Variants in TEX14 observed in about 807,000 individuals in gnomAD.
TEX14 encodes testis expressed 14, intercellular bridge forming factor.
In TEX14, 168 loss-of-function variants were observed where a neutral mutation model predicts 178.6. The observed-to-expected ratio is 0.94, with a 90% CI of 0.83 to 1.07. TEX14 has a LOEUF of 1.07. Ranked by LOEUF, TEX14 falls within the 50% of genes least tolerant of loss-of-function variation. The probability of loss-of-function intolerance (pLI) is 0.00; values close to 1 mark genes in which losing one functional copy is unlikely to be tolerated. For missense variants in TEX14, 1,730 were observed against 1,753.6 expected (o/e 0.99, Z 0.24); for synonymous variants, 626 against 634.1 (o/e 0.99, Z 0.19).
chr17:58,559,088 T>C (rs1208477106), intron 30 of TEX14, among the ~76,000 whole-genome samples: 1 of 152,092 alleles, frequency 6.6e-6, no homozygotes, highest in Non-Finnish European at 1.5e-5. Context: ...GGGAATCACT[T>C]GAACCCAGGA....
intron 1 of TEX14, among the ~76,000 whole-genome samples, chr17:58,681,025 T>A (rs930592492): frequency 2.0e-5 from 3 of 152,114 alleles, no homozygotes; most frequent in Non-Finnish European, 2.9e-5. Flanking sequence ...CTCACACCTG[T>A]AATCCCAGCA....
intron 1 of TEX14, among the ~76,000 whole-genome samples, chr17:58,655,563 G>A (rs988868481): frequency 3.3e-5 from 5 of 151,870 alleles, no homozygotes; most frequent in East Asian, 1.9e-4. Flanking sequence ...CAGGTGATCC[G>A]CCTGCCTTGG....
At chr17:58,557,182 C>T (rs1023038068) in intron 31 of TEX14, 135 bp from the exon 32 acceptor site, 31 of 712,826 alleles carry the variant, frequency 4.3e-5, no homozygotes, top group African/African-American at 1.1e-4. Context: ...TAATCAAGGG[C>T]GATTATAACC....
intron 1 of TEX14, among the ~76,000 whole-genome samples, chr17:58,666,339 CTG>C (rs1323224049): frequency 1.3e-5 from 2 of 151,530 alleles, no homozygotes; most frequent in African/African-American, 2.4e-5. Flanking sequence ...TAGAGCAAGA[CTG>C]TGTCCCAAAA....
Position 58,617,485 on chromosome 17 carries a change from G to A in TEX14, c.636+53C>T, listed in dbSNP as rs972210878. Reference sequence around the variant, plus strand: ...TGGACAAAGGTGGGAGATGGGGCCCGATGATTCTCCAGTTAGTCCTGCAAA... The same window carrying A: ...TGGACAAAGGTGGGAGATGGGGCCCAATGATTCTCCAGTTAGTCCTGCAAA... On this transcript the variant is annotated intron_variant, in intron 6 of 31. Coordinates refer to ENST00000349033, the MANE Select transcript of TEX14 (RefSeq NM_031272.5). 30 of 1,365,826 alleles carry A rather than the reference G, an allele frequency of 2.2e-5. No individual in the cohort carries two copies. The South Asian group carries it at 2.3e-4, about 10-fold the overall frequency. The allele number at this position is 1,365,826 out of a possible 1,614,324, so 84.6% of individuals were successfully genotyped here. A position where few individuals can be genotyped will look rare whatever the true frequency, so the allele number is the denominator to read the frequency against.
chr17:58,634,603 G>C (rs2046392561), intron 2 of TEX14, among the ~76,000 whole-genome samples: 3 of 152,128 alleles, frequency 2.0e-5, no homozygotes, highest in Admixed American at 1.3e-4. Context: ...CCTATCTTCA[G>C]TGCCTTGTTC....
intron 1 of TEX14, among the ~76,000 whole-genome samples, chr17:58,678,960 C>G (rs1258076454): frequency 2.6e-5 from 4 of 151,844 alleles, no homozygotes; most frequent in Non-Finnish European, 4.4e-5. Flanking sequence ...GCGAGACCAG[C>G]CTGGCCAACA....
At chr17:58,621,625 C>T in intron 5 of TEX14, 25 bp downstream of exon 5, 2 of 1,599,352 alleles carry the variant, frequency 1.3e-6, no homozygotes, top group Non-Finnish European at 1.7e-6. Context: ...GGAGACTATC[C>T]CACTCTGCTC....
At chr17:58,595,083 G>T (rs1381216976) in intron 14 of TEX14, among the ~76,000 whole-genome samples, 1 of 152,088 alleles carries the variant, frequency 6.6e-6, no homozygotes, top group Non-Finnish European at 1.5e-5. Flanking sequence ...CATAACAGGT[G>T]TTCAGAAAAA....
chr17:58,641,491 A>ATTG (rs2046576408), intron 2 of TEX14, among the ~76,000 whole-genome samples: 1 of 143,742 alleles, frequency 7.0e-6, no homozygotes, highest in African/African-American at 2.6e-5. Flanking sequence ...TCTTTTATTT[A>ATTG]TTATTATTAT....
rs77067864 is a variant in TEX14, at chr17:58,595,482, A to G, written c.2470-1821T>C. ...TCGTGAATTTCTTCGATCAACAGAA[A>G]GCAGCGAAAGTGATACAATCCTAGG... is the stretch of plus-strand genomic sequence containing the variant. On this transcript the variant is annotated intron_variant, in intron 14 of 31. Transcript: ENST00000349033. 4.8e-3 allele frequency among the ~76,000 whole-genome samples: 737 copies of G among 152,314 alleles called. 2 individuals carry two copies. Among genetic ancestry groups the G allele is most frequent in the African/African-American group, 0.017 (716 of 41,582 alleles).
At chr17:58,658,387 C>CTTTTT (rs34857563) in intron 1 of TEX14, among the ~76,000 whole-genome samples, 8 of 95,032 alleles carry the variant, frequency 8.4e-5, no homozygotes, top group African/African-American at 2.2e-4. Flanking sequence ...TGTGCACCGG[C>CTTTTT]TTTTTTTTTT....
chr17:58,590,480 C>T lies in TEX14; in HGVS notation c.2577-2459G>A, dbSNP rs148528779. Among the ~76,000 whole-genome samples the T allele has an allele frequency of 2.8e-4, 43 of 152,146 alleles. 1 individual carries two copies. The East Asian group carries it at 8.3e-3, about 29-fold the overall frequency. On this transcript the variant is annotated intron_variant, in intron 15 of 31. Transcript: ENST00000349033. ...CAAGTAACTGTGTCCCTATTCATAA[C>T]AGAATAAAGAATGAAGCAACCTAAA...
rs762999748 is a variant in TEX14, at chr17:58,615,216, T to C, written c.881+16A>G. ...AGAGACCTGGACCTATAAGGGGCCT[T>C]GGGCTTCCTTCTCACCTGCTGTGTT... On this transcript the variant is annotated intron_variant, in intron 8 of 31. Transcript: ENST00000349033. The C allele has an allele frequency of 1.8e-5, 28 of 1,545,952 alleles. No individual in the cohort carries two copies. The highest frequency in any genetic ancestry group is 2.3e-5 in the Non-Finnish European group (26 of 1,118,812).
In TEX14 at chr17:58,605,133, C is replaced by T. The variant is rs372441891; in HGVS notation, c.1185-4G>A. 2.2e-5 allele frequency: 36 copies of T among 1,613,444 alleles called. No homozygotes were observed. The East Asian group carries it at 3.6e-4, about 16-fold the overall frequency. On this transcript the variant is annotated splice_polypyrimidine_tract_variant and splice_region_variant and intron_variant, in intron 10 of 31. Coordinates refer to ENST00000349033, the MANE Select transcript of TEX14 (RefSeq NM_031272.5). Reference sequence around the variant, plus strand: ...CCTCTGTACACCTCTGTCCTCGCTACGGAAGGAAACTCACAAGTCAGCGCT... The same window carrying T: ...CCTCTGTACACCTCTGTCCTCGCTATGGAAGGAAACTCACAAGTCAGCGCT...
chr17:58,581,034 C>T (rs781212128), intron 19 of TEX14, among the ~76,000 whole-genome samples: 3 of 152,094 alleles, frequency 2.0e-5, no homozygotes, highest in Non-Finnish European at 4.4e-5. Context: ...CATTTTGAGC[C>T]AGGCATGGTG....
intron 22 of TEX14, 93 bp from the exon 23 acceptor site, chr17:58,573,401 AC>A: frequency 7.6e-7 from 1 of 1,311,800 alleles, no homozygotes; most frequent in South Asian, 1.4e-5. Context: ...TATAATCTTA[AC>A]AAAATTTGTA....
In TEX14 at chr17:58,601,878, CATT is replaced by C. The variant is rs2045458537; in HGVS notation, c.1603_1605del (p.Asn535del). On this transcript the variant is annotated inframe_deletion, in exon 13 of 32. Transcript: ENST00000349033. ...TGTTCTGAAGTCAGTCCTAGATAGA[CATT>C]GACATCGGGATGGAGTCCGTATCTC... The C allele has an allele frequency of 6.2e-7, 1 of 1,613,324 alleles. No homozygotes were observed. Among genetic ancestry groups the C allele is most frequent in the Non-Finnish European group, 8.5e-7 (1 of 1,179,980 alleles).
At chr17:58,669,733 C>CAAAAAAAAAAAAAAAAAAAAAA (rs71367615) in intron 1 of TEX14, among the ~76,000 whole-genome samples, 1 of 56,300 alleles carries the variant, frequency 1.8e-5, no homozygotes. Context: ...GACTCCGTCT[C>CAAAAAAAAAAAAAAAAAAAAAA]AAAAAAAAAA....
Sources: gnomAD v4.1 joint callset for allele counts (sites outside exome capture counted in the v4.1 genomes callset) on GRCh38, gnomAD v4.1.1 for gene constraint, MANE v1.5 for transcripts, NCBI Gene and HGNC (gene_info 2026-07-23, HGNC 2026-07-21) for gene names.